Variants in SH3TC2 observed in about 807,000 individuals in gnomAD.
SH3TC2 encodes SH3 domain and tetratricopeptide repeats 2, also known as SH3 domain and tetratricopeptide repeat-containing protein 2.
SH3TC2 carries 87 observed loss-of-function variants against 124.5 expected under a neutral mutation model. The observed-to-expected ratio is 0.70, with a 90% CI of 0.59 to 0.84. The LOEUF (loss-of-function observed/expected upper bound fraction) is 0.84, where lower values mean the gene tolerates loss of function less well. Among genes scored for constraint, SH3TC2 ranks in the 40% least tolerant of loss-of-function variants. SH3TC2 has a pLI of 0.00. For synonymous variants in SH3TC2, 634 were observed against 628.5 expected (o/e 1.01, Z -0.13); for missense variants, 1,536 against 1,566.4 (o/e 0.98, Z 0.33).
At position 149,031,581 on chromosome 5, in the gene SH3TC2, T is replaced by G; in HGVS notation, c.1108A>C (p.Thr370Pro). The stretch of plus-strand genomic sequence containing the variant: ...AGCCGGTAGACAGATGTGATGTCAG[T>G]GCGAGCAAGAGTGTGGAGGAAGCTG... ...CSSFLHTLAR[T>P]DITSVYRLSG... The change falls in exon 9 of 17, where the codon ACT becomes CCT. Residue 370 changes from threonine (T) to proline (P), a missense_variant. Transcript: ENST00000515425. 1 of 1,614,154 alleles carries G rather than the reference T, an allele frequency of 6.2e-7. No homozygotes were observed. The highest frequency in any genetic ancestry group is 1.1e-5 in the South Asian group (1 of 91,070).
rs534285344 is a variant in SH3TC2, at chr5:149,029,221, C to T, written c.1136-503G>A. On this transcript the variant is annotated intron_variant, in intron 9 of 16. Transcript: ENST00000515425. ...CCTCCATTCATTCATGATTCATCCA[C>T]TTGGCAGACATTGGTTCCATGTGTC... 6.6e-5 allele frequency among the ~76,000 whole-genome samples: 10 copies of T among 152,356 alleles called. No homozygotes were observed. The South Asian group carries it at 2.1e-3, about 32-fold the overall frequency.
At chr5:149,010,488 T>C in intron 13 of SH3TC2, 96 bp from the exon 14 acceptor site, 1 of 1,542,836 alleles carries the variant, frequency 6.5e-7, no homozygotes, top group Non-Finnish European at 8.8e-7. Flanking sequence ...CTAAATCAAC[T>C]AATCCTCTGC....
At chr5:149,052,986 C>A (rs1191034945) in intron 1 of SH3TC2, among the ~76,000 whole-genome samples, 1 of 152,206 alleles carries the variant, frequency 6.6e-6, no homozygotes, top group African/African-American at 2.4e-5. Context: ...AAACTCAAGT[C>A]CTTCACACAT....
intron 6 of SH3TC2, among the ~76,000 whole-genome samples, chr5:149,040,885 A>G (rs1455347176): frequency 6.6e-6 from 1 of 152,234 alleles, no homozygotes; most frequent in East Asian, 1.9e-4. Context: ...GTGGCTCCGA[A>G]AGTAGTTTGT....
chr5:149,022,848 G>A (rs2127395862), intron 12 of SH3TC2, among the ~76,000 whole-genome samples: 1 of 152,310 alleles, frequency 6.6e-6, no homozygotes, highest in South Asian at 2.1e-4. Context: ...CAAATCCATA[G>A]TGACAGAAAG....
In SH3TC2 at chr5:149,062,984, C is replaced by A; in HGVS notation, c.39G>T (p.Leu13=). ...GCFCIPRERS[L]TRGPGKETPS... Reference sequence around the variant, plus strand: ...TGGGAAACTCACCTGGGCCCCGGGTCAGACTCCGCTCCCTGGGGATGCAGA... The same window carrying A: ...TGGGAAACTCACCTGGGCCCCGGGTAAGACTCCGCTCCCTGGGGATGCAGA... Residue 13 remains leucine (L), a synonymous_variant, in exon 1 of 17, where the codon CTG becomes CTT. Transcript: ENST00000515425. 6.3e-7 allele frequency: 1 copy of A among 1,597,466 alleles called. No homozygotes were observed. The highest frequency in any genetic ancestry group is 2.3e-5 in the East Asian group (1 of 44,246).
Position 148,995,826 on chromosome 5 carries a change from T to C in SH3TC2, c.*8885A>G, listed in dbSNP as rs1416875296. ...TAATCTAGGTGGTGCACATGGATTA[T>C]TAAAATAAAAAAACTCACATAAAGT... On this transcript the variant is annotated 3_prime_UTR_variant, in exon 17 of 17. Transcript: ENST00000515425. Among the ~76,000 whole-genome samples the C allele has an allele frequency of 6.6e-6, 1 of 152,008 alleles. No individual in the cohort carries two copies. The highest frequency in any genetic ancestry group is 2.4e-5 in the African/African-American group (1 of 41,388).
In SH3TC2 at chr5:149,028,562, G is replaced by A. The variant is rs202042438; in HGVS notation, c.1178-8C>T. ...AACCTTCAGGCTGGGATGCTGTAAGGACAGGCAAAGTTGAGCAACCTTGGG... is the reference window on the plus strand; with the variant it reads ...AACCTTCAGGCTGGGATGCTGTAAGAACAGGCAAAGTTGAGCAACCTTGGG... On this transcript the variant is annotated splice_region_variant and splice_polypyrimidine_tract_variant and intron_variant, in intron 10 of 16. Coordinates refer to ENST00000515425, the MANE Select transcript of SH3TC2 (RefSeq NM_024577.4). The A allele has an allele frequency of 2.1e-5, 34 of 1,614,034 alleles. No homozygotes were observed. In the Middle Eastern group the frequency reaches 4.9e-4, roughly 23 times the overall value.
rs201934740 is a variant in SH3TC2 at position 149,027,390 on chromosome 5, C to A, written c.2342G>T (p.Ser781Ile). Reference sequence around the variant, plus strand: ...CAGCTGCCCTAGCACCAAGGCCTGGCTCAGGTAGTGGATGGCACCGTCAGG... The same window carrying A: ...CAGCTGCCCTAGCACCAAGGCCTGGATCAGGTAGTGGATGGCACCGTCAGG... ...RSPDGAIHYL[S>I]QALVLGQLLG... Residue 781 changes from serine to isoleucine, a missense_variant, in exon 11 of 17, where the codon AGC (serine) becomes ATC (isoleucine). By Grantham distance (142) the Ser-to-Ile change is moderately radical. This residue lies in a region of SH3TC2 where 1,102 missense variants were observed against 1,098.6 expected (regional missense o/e 1.00). Transcript: ENST00000515425. 32 of 1,614,144 alleles carry A rather than the reference C, an allele frequency of 2.0e-5. No homozygotes were observed. The East Asian group carries it at 7.1e-4, about 36-fold the overall frequency.
In SH3TC2 at chr5:148,990,107, A is replaced by G. The variant is rs1368557110; in HGVS notation, c.*14604T>C. 6.6e-6 allele frequency among the ~76,000 whole-genome samples: 1 copy of G among 151,986 alleles called. No individual in the cohort carries two copies. The highest frequency in any genetic ancestry group is 1.5e-5 in the Non-Finnish European group (1 of 68,004). On this transcript the variant is annotated 3_prime_UTR_variant, in exon 17 of 17. Transcript: ENST00000515425. Reference sequence around the variant, plus strand: ...TGGGTGAACCATCCTGGGGAAACTGAGATAGCCCCAAAGTAGGTTTCATGA... The same window carrying G: ...TGGGTGAACCATCCTGGGGAAACTGGGATAGCCCCAAAGTAGGTTTCATGA...
chr5:148,995,172 T>C lies in SH3TC2; in HGVS notation c.*9539A>G, dbSNP rs529421820. Among the ~76,000 whole-genome samples the C allele has an allele frequency of 7.2e-5, 11 of 152,340 alleles. No individual in the cohort carries two copies. The highest frequency in any genetic ancestry group is 1.2e-4 in the Non-Finnish European group (8 of 68,024). ...CATTCAAATGTTCAAAAGAGAAATA[T>C]TTATCTTGAAGATCCTAAGTTCTGA... On this transcript the variant is annotated 3_prime_UTR_variant, in exon 17 of 17. Coordinates refer to ENST00000515425, the MANE Select transcript of SH3TC2 (RefSeq NM_024577.4).
Position 149,027,096 on chromosome 5 carries a change from A to G in SH3TC2, c.2636T>C (p.Met879Thr). Reference protein sequence around the residue: ...VGDVHNQAVAMANLGHLSLKS... With the variant: ...VGDVHNQAVATANLGHLSLKS... ...AAGGCTCAGGTGGCCAAGATTGGCCATAGCCACTGCCTGGTTATGCACATC... is the reference window on the plus strand; with the variant it reads ...AAGGCTCAGGTGGCCAAGATTGGCCGTAGCCACTGCCTGGTTATGCACATC... Residue 879 changes from methionine (M) to threonine (T), a missense_variant, in exon 11 of 17, where the codon ATG (methionine) becomes ACG (threonine). Coordinates refer to ENST00000515425, the MANE Select transcript of SH3TC2 (RefSeq NM_024577.4). 1.2e-6 allele frequency: 2 copies of G among 1,614,186 alleles called. No homozygotes were observed. The highest frequency in any genetic ancestry group is 1.7e-6 in the Non-Finnish European group (2 of 1,180,018).
chr5:149,054,054 C>T (rs924155332), intron 1 of SH3TC2, among the ~76,000 whole-genome samples: 7 of 152,054 alleles, frequency 4.6e-5, no homozygotes, highest in Non-Finnish European at 1.0e-4. Context: ...AATTGGATTG[C>T]TTGCAACAAA....
intron 1 of SH3TC2, among the ~76,000 whole-genome samples, chr5:149,061,815 G>A (rs949514280): frequency 2.0e-5 from 3 of 152,104 alleles, no homozygotes; most frequent in Admixed American, 1.3e-4. Flanking sequence ...GGACTTAGGG[G>A]GAGGGACTGA....
Position 148,996,088 on chromosome 5 carries a change from C to CAA in SH3TC2, c.*8621_*8622dup, listed in dbSNP as rs562125931. Among the ~76,000 whole-genome samples, 8 of 137,824 alleles carry CAA rather than the reference C, an allele frequency of 5.8e-5. No homozygotes were observed. In the East Asian group the frequency reaches 6.4e-4, roughly 11 times the overall value. 90.4% of individuals were successfully genotyped at this position (137,824 alleles called of 152,430 possible). A position where few individuals can be genotyped will look rare whatever the true frequency, so the allele number is the denominator to read the frequency against. On this transcript the variant is annotated 3_prime_UTR_variant, in exon 17 of 17. Transcript: ENST00000515425. ...GGAAACCCATCTCTACAAAAACTAC[C>CAA]AAAAAAAAAAAAAATTAGCTGGGAG...
At position 149,042,706 on chromosome 5, in the gene SH3TC2, G is replaced by T. The variant is rs147633804; in HGVS notation, c.517C>A (p.Leu173Met). 96 of 1,613,984 alleles carry T rather than the reference G, an allele frequency of 5.9e-5. No individual in the cohort carries two copies. The highest frequency in any genetic ancestry group is 2.0e-4 in the Admixed American group (12 of 59,996). Reference protein sequence around the residue: ...KHLETIYLGLLIQEGHFFCRA... With the variant: ...KHLETIYLGLMIQEGHFFCRA... ...ATGCCACACTCACCTTCCTGTATCA[G>T]GAGTCCCAGGTATATTGTTTCCAGG... The change falls in exon 5 of 17, where the codon CTG (leucine) becomes ATG (methionine). Residue 173 changes from leucine (L) to methionine (M), a missense_variant. By Grantham distance (15) the Leu-to-Met change is conservative. This residue lies in a region of SH3TC2 where 1,102 missense variants were observed against 1,098.6 expected (regional missense o/e 1.00). Coordinates refer to ENST00000515425, the MANE Select transcript of SH3TC2 (RefSeq NM_024577.4).
Position 149,012,570 on chromosome 5 carries a change from T to C in SH3TC2, c.3204+14A>G, listed in dbSNP as rs772697522. 1.9e-6 allele frequency: 3 copies of C among 1,614,168 alleles called. No homozygotes were observed. The highest frequency in any genetic ancestry group is 1.7e-5 in the Admixed American group (1 of 60,028). On this transcript the variant is annotated intron_variant, in intron 13 of 16. Transcript: ENST00000515425. ...CAAGTCAACAACTCCCAGAGAGCTC[T>C]GCAGGAGGCCTACCTGCAGGCACAG...
chr5:149,026,785 CT>C (rs1561764353), intron 11 of SH3TC2, 33 bp from the exon 12 acceptor site: 2 of 1,614,192 alleles, frequency 1.2e-6, no homozygotes, highest in Non-Finnish European at 1.7e-6. Context: ...AATGAGATGA[CT>C]TGAGATAGGA....
At position 148,992,621 on chromosome 5, in the gene SH3TC2, T is replaced by TC. The variant is rs1194431827; in HGVS notation, c.*12089_*12090insG. Among the ~76,000 whole-genome samples the TC allele has an allele frequency of 9.6e-6, 1 of 104,038 alleles. No individual in the cohort carries two copies. The highest frequency in any genetic ancestry group is 4.1e-5 in the African/African-American group (1 of 24,572). The allele number at this position is 104,038 out of a possible 152,430, so 68.3% of individuals were successfully genotyped here. The stretch of plus-strand genomic sequence containing the variant: ...ATTGGTTTTTTTTTTTTTTTTTTTT[T>TC]TCAGATTTTCGAAGGGGTCTATGAA... On this transcript the variant is annotated 3_prime_UTR_variant, in exon 17 of 17. Transcript: ENST00000515425.
Sources: allele counts gnomAD v4.1 joint callset (sites outside exome capture counted in the v4.1 genomes callset), GRCh38; gene constraint gnomAD v4.1.1; regional missense constraint gnomAD v4.1.1; transcripts MANE v1.5; gene names NCBI Gene and HGNC (gene_info 2026-07-23, HGNC 2026-07-21).